Variants in RBFOX1 observed in about 807,000 individuals in gnomAD.
RBFOX1 encodes RNA binding protein fox-1 homolog 1.
A neutral mutation model predicts 57.7 loss-of-function variants in RBFOX1; 8 were observed. The ratio of observed to expected loss-of-function variants is 0.14; its 90% CI spans 0.08 to 0.25. The LOEUF (loss-of-function observed/expected upper bound fraction) is 0.25. RBFOX1 is among the 10% of genes least tolerant of loss of function. RBFOX1 has a pLI of 1.00. For synonymous variants in RBFOX1, 326 were observed against 222.4 expected (o/e 1.47, Z -4.15); for missense variants, 611 against 548.5 (o/e 1.11, Z -1.14).
At chr16:7,029,055 T>TATATATATAC (rs1568438703) in intron 3 of RBFOX1, among the ~76,000 whole-genome samples, 1 of 20,852 alleles carries the variant, frequency 4.8e-5, no homozygotes, top group Non-Finnish European at 8.4e-5. Context: ...GCTATATATA[T>TATATATATAC]ATATATATAT....
intron 1 of RBFOX1, chr16:6,059,351 G>T (rs1157415758): frequency 6.6e-6 from 1 of 152,238 alleles, no homozygotes; most frequent in East Asian, 1.9e-4. Context: ...TTGTGCAAGA[G>T]ACTAGAATAG....
intron 3 of RBFOX1, among the ~76,000 whole-genome samples, chr16:7,050,972 T>C (rs1270036889): frequency 3.3e-5 from 5 of 152,206 alleles, no homozygotes; most frequent in Admixed American, 2.0e-4. Flanking sequence ...CTTCCTTTTT[T>C]GTTTTTAGAG....
Position 5,702,673 on chromosome 16 carries a change from A to G in RBFOX1, c.318+103712A>G, listed in dbSNP as rs374278322. 1.5e-4 allele frequency among the ~76,000 whole-genome samples: 23 copies of G among 152,344 alleles called. No homozygotes were observed. In the East Asian group the frequency reaches 3.1e-3, roughly 20 times the overall value. On this transcript the variant is annotated intron_variant, in intron 3 of 19. Transcript: ENST00000641259. ...TAACCTCAATGAATGTTAACAGTCTATGAGTATCAATTGACCCATCTGTAA... is the reference window on the plus strand; with the variant it reads ...TAACCTCAATGAATGTTAACAGTCTGTGAGTATCAATTGACCCATCTGTAA...
At chr16:7,704,474 C>G (rs1426228967) in intron 14 of RBFOX1, among the ~76,000 whole-genome samples, 2 of 152,160 alleles carry the variant, frequency 1.3e-5, no homozygotes, top group Non-Finnish European at 2.9e-5. Context: ...GACCCAGAGT[C>G]TTCAAAAAGC....
intron 3 of RBFOX1, among the ~76,000 whole-genome samples, chr16:6,878,412 T>G (rs985681012): frequency 6.6e-6 from 1 of 152,222 alleles, no homozygotes; most frequent in African/African-American, 2.4e-5. Context: ...TGATGGATTT[T>G]CCTTCATCCA....
intron 2 of RBFOX1, among the ~76,000 whole-genome samples, chr16:6,394,818 T>C (rs989282719): frequency 6.6e-6 from 1 of 152,138 alleles, no homozygotes; most frequent in Non-Finnish European, 1.5e-5. Flanking sequence ...CCCTAAGTCC[T>C]TGGTGAAAAG....
At chr16:6,775,587 G>A (rs1333165750) in intron 3 of RBFOX1, 2 of 152,104 alleles carry the variant, frequency 1.3e-5, no homozygotes, top group East Asian at 3.9e-4. Flanking sequence ...AAGATGGAGG[G>A]TTCTGACAGT....
chr16:5,664,954 T>G (rs965975415), intron 3 of RBFOX1, among the ~76,000 whole-genome samples: 3 of 151,988 alleles, frequency 2.0e-5, no homozygotes, highest in Admixed American at 2.0e-4. Flanking sequence ...TGCTCTTTTT[T>G]TTTTTATCGA....
intron 4 of RBFOX1, among the ~76,000 whole-genome samples, chr16:7,122,022 C>G (rs529386113): frequency 6.7e-4 from 102 of 152,042 alleles, no homozygotes; most frequent in Admixed American, 1.6e-3. Context: ...GATCATAGAT[C>G]TAAATATAAA....
At position 7,040,342 on chromosome 16, in the gene RBFOX1, A is replaced by G. The variant is rs140583689; in HGVS notation, c.-15-11715A>G. ...CTGAGTTATTTTATAGCCACCATTA[A>G]TCACATACTTACTATGTGCCAGGCC... On this transcript the variant is annotated intron_variant, in intron 3 of 15. Transcript: ENST00000550418. Among the ~76,000 whole-genome samples, 26 of 152,226 alleles carry G rather than the reference A, an allele frequency of 1.7e-4. No homozygotes were observed. The East Asian group carries it at 4.6e-3, about 27-fold the overall frequency.
At chr16:5,752,132 G>C (rs1216053718) in intron 3 of RBFOX1, among the ~76,000 whole-genome samples, 1 of 152,182 alleles carries the variant, frequency 6.6e-6, no homozygotes, top group Non-Finnish European at 1.5e-5. Flanking sequence ...GAAAATGAAT[G>C]GCACTGGAGG....
At chr16:7,288,955 G>A (rs553890667) in intron 4 of RBFOX1, among the ~76,000 whole-genome samples, 1 of 152,212 alleles carries the variant, frequency 6.6e-6, no homozygotes. Flanking sequence ...AGAGGCAGGG[G>A]TTGGAGAAAA....
chr16:6,971,769 G>C (rs549865900), intron 3 of RBFOX1, among the ~76,000 whole-genome samples: 28 of 152,198 alleles, frequency 1.8e-4, no homozygotes, highest in Admixed American at 1.6e-3. Flanking sequence ...CTTAAGTGGA[G>C]TGTCCACAGT....
At chr16:5,672,191 T>A (rs896453173) in intron 3 of RBFOX1, among the ~76,000 whole-genome samples, 1 of 152,190 alleles carries the variant, frequency 6.6e-6, no homozygotes, top group Non-Finnish European at 1.5e-5. Flanking sequence ...CCATCCTCAG[T>A]ACCCTAATGT....
chr16:6,638,170 T>A (rs1372974010), intron 2 of RBFOX1, among the ~76,000 whole-genome samples: 3 of 152,116 alleles, frequency 2.0e-5, no homozygotes, highest in Admixed American at 6.6e-5. Flanking sequence ...ATTGTCTTCT[T>A]GCATATAAAA....
At chr16:5,465,007 G>A (rs1006345679) in intron 1 of RBFOX1, among the ~76,000 whole-genome samples, 1 of 152,192 alleles carries the variant, frequency 6.6e-6, no homozygotes, top group African/African-American at 2.4e-5. Context: ...AGAGGACCTT[G>A]AAAACCACAG....
chr16:6,222,615 C>A (rs1480238840), intron 1 of RBFOX1, among the ~76,000 whole-genome samples: 3 of 50,634 alleles, frequency 5.9e-5, no homozygotes, highest in African/African-American at 1.1e-4. Flanking sequence ...GATTGCTGGG[C>A]CCCTGTTCCA....
chr16:6,564,267 C>G (rs1001405147), intron 2 of RBFOX1, among the ~76,000 whole-genome samples: 1 of 152,070 alleles, frequency 6.6e-6, no homozygotes, highest in Non-Finnish European at 1.5e-5. Flanking sequence ...GGAACATGCT[C>G]TATGGTTTTT....
At chr16:6,599,739 C>G (rs887251453) in intron 2 of RBFOX1, among the ~76,000 whole-genome samples, 3 of 152,188 alleles carry the variant, frequency 2.0e-5, no homozygotes, top group South Asian at 2.1e-4. Context: ...GTGCTCACCA[C>G]CTAGTTAAGC....
Sources: gnomAD v4.1 joint callset for allele counts (sites outside exome capture counted in the v4.1 genomes callset) on GRCh38, gnomAD v4.1.1 for gene constraint, MANE v1.5 for transcripts, NCBI Gene and HGNC (gene_info 2026-07-23, HGNC 2026-07-21) for gene names.